The following SLC35F3 variants were observed in gnomAD, a reference collection of about 807,000 sequenced individuals.
SLC35F3 encodes the protein solute carrier family 35 member F3.
In SLC35F3, 25 loss-of-function variants were observed where a neutral mutation model predicts 49.9. The ratio of observed to expected loss-of-function variants is 0.50; its 90% CI spans 0.37 to 0.70. SLC35F3 has a LOEUF of 0.70. SLC35F3 is among the 30% of genes least tolerant of loss of function. The pLI is 0.00. For missense variants in SLC35F3, 525 were observed against 639.8 expected, an observed-to-expected ratio of 0.82 and a Z score of 1.94; for synonymous variants, 275 against 265.4, an observed-to-expected ratio of 1.04 and a Z score of -0.35.
In SLC35F3 at chr1:234,323,231, C is replaced by T. The variant is rs754124985; in HGVS notation, c.1461C>T (p.Ser487=). The change falls in exon 8 of 8, where the codon TCC becomes TCT. Residue 487 remains serine (S), a synonymous_variant. Coordinates refer to ENST00000366618, the MANE Select transcript of SLC35F3 (RefSeq NM_173508.4). This position sits in a 1 kb window ranked among gnomAD's most constrained non-coding sequence, Gnocchi z 4.5. ...GCAAGAACAGAAGAGCCCGCCCTTC[C>T]TTCGCCCGCTAACACCACTCCTCTA... is the stretch of plus-strand genomic sequence containing the variant. ...PQSKNRRARP[S]FAR 36 of 1,613,714 alleles carry T rather than the reference C, an allele frequency of 2.2e-5. No individual in the cohort carries two copies. In the Middle Eastern group the frequency reaches 1.2e-3, roughly 52 times the overall value.
At chr1:234,319,966 A>G in intron 6 of SLC35F3, 132 bp from the exon 7 acceptor site, 1 of 652,250 alleles carries the variant, frequency 1.5e-6, no homozygotes, top group Non-Finnish European at 2.8e-6. Flanking sequence ...AGTTCACTGA[A>G]TCAGAGCAGA....
At chr1:234,184,147 A>G (rs1024870132) in intron 2 of SLC35F3, among the ~76,000 whole-genome samples, 2 of 151,976 alleles carry the variant, frequency 1.3e-5, no homozygotes, top group Non-Finnish European at 2.9e-5. Context: ...TTAAAAAAAA[A>G]AAACAAAAAA....
At chr1:234,266,266 G>C (rs1266050922) in intron 3 of SLC35F3, among the ~76,000 whole-genome samples, 1 of 152,030 alleles carries the variant, frequency 6.6e-6, no homozygotes, top group Non-Finnish European at 1.5e-5. Flanking sequence ...AGTAGAAAAT[G>C]GGCAAAAGAT....
intron 2 of SLC35F3, among the ~76,000 whole-genome samples, chr1:233,914,433 C>T (rs921916220): frequency 6.6e-6 from 1 of 152,176 alleles, no homozygotes; most frequent in Non-Finnish European, 1.5e-5. Flanking sequence ...AGCTCCTCCT[C>T]CAAGCCCCTG....
chr1:234,013,546 A>G (rs1272256502), intron 2 of SLC35F3, among the ~76,000 whole-genome samples: 2 of 151,988 alleles, frequency 1.3e-5, no homozygotes, highest in Non-Finnish European at 2.9e-5. Flanking sequence ...AAACAATGAA[A>G]CTACAGAGCT....
chr1:234,150,927 GA>G (rs1221646811), intron 2 of SLC35F3, among the ~76,000 whole-genome samples: 1 of 152,200 alleles, frequency 6.6e-6, no homozygotes, highest in Non-Finnish European at 1.5e-5. Flanking sequence ...TTGCCATCAG[GA>G]ATTCCCAGGA....
At chr1:234,158,754 A>G (rs934065338) in intron 2 of SLC35F3, among the ~76,000 whole-genome samples, 4 of 152,230 alleles carry the variant, frequency 2.6e-5, no homozygotes, top group African/African-American at 7.2e-5. Context: ...GTATTTTGCC[A>G]AATAATTCAT....
chr1:233,928,335 A>G (rs1480974312), intron 2 of SLC35F3, among the ~76,000 whole-genome samples: 1 of 152,212 alleles, frequency 6.6e-6, no homozygotes, highest in Non-Finnish European at 1.5e-5. Flanking sequence ...TGAGTGAGTG[A>G]GTCACTGTCT....
chr1:234,102,134 T>C (rs930768843), intron 2 of SLC35F3, among the ~76,000 whole-genome samples: 1 of 152,154 alleles, frequency 6.6e-6, no homozygotes, highest in Non-Finnish European at 1.5e-5. Flanking sequence ...GAATTTACTT[T>C]CCCCCTTTCC....
intron 2 of SLC35F3, among the ~76,000 whole-genome samples, chr1:234,050,143 G>A (rs919736340): frequency 1.3e-5 from 2 of 152,162 alleles, no homozygotes; most frequent in African/African-American, 4.8e-5. Flanking sequence ...AATCCTTTGG[G>A]TATATACCCA....
At chr1:234,164,091 CCTCT>C (rs1012972251) in intron 2 of SLC35F3, among the ~76,000 whole-genome samples, 2 of 150,984 alleles carry the variant, frequency 1.3e-5, no homozygotes, top group African/African-American at 2.4e-5. Context: ...TGTCTCTCTC[CCTCT>C]CTCTCTTTCT....
At chr1:234,000,939 G>C (rs1279585457) in intron 2 of SLC35F3, among the ~76,000 whole-genome samples, 1 of 152,148 alleles carries the variant, frequency 6.6e-6, no homozygotes, top group Non-Finnish European at 1.5e-5. Flanking sequence ...TTCTCCTCAA[G>C]GGCTAATACT....
intron 3 of SLC35F3, among the ~76,000 whole-genome samples, chr1:234,264,750 T>C (rs1012456916): frequency 2.6e-5 from 4 of 152,074 alleles, no homozygotes; most frequent in Non-Finnish European, 4.4e-5. Context: ...ATGGGGTCTT[T>C]CTGTGTTGCA....
In SLC35F3 at chr1:234,316,640, G is replaced by C. The variant is rs1269442854; in HGVS notation, c.867G>C (p.Met289Ile). The C allele has an allele frequency of 2.5e-6, 4 of 1,612,510 alleles. No individual in the cohort carries two copies. Among genetic ancestry groups the C allele is most frequent in the South Asian group, 1.1e-5 (1 of 91,032 alleles). The change falls in exon 5 of 8, where the codon ATG (methionine) becomes ATC (isoleucine). Residue 289 changes from methionine (M) to isoleucine (I), a missense_variant. Physicochemically the swap from Met to Ile is conservative, Grantham distance 10 (BLOSUM62 1). Coordinates refer to ENST00000366618, the MANE Select transcript of SLC35F3 (RefSeq NM_173508.4). ...AAILAIAGIV[M>I]MTYADGFHSH... ...TCCTCGCCATCGCTGGCATTGTGATGATGACCTACGCTGATGGCTTCCACA... is the reference window on the plus strand; with the variant it reads ...TCCTCGCCATCGCTGGCATTGTGATCATGACCTACGCTGATGGCTTCCACA...
intron 3 of SLC35F3, among the ~76,000 whole-genome samples, chr1:234,240,045 T>A (rs1667529670): frequency 6.6e-6 from 1 of 152,244 alleles, no homozygotes; most frequent in Admixed American, 6.5e-5. Flanking sequence ...CCTAACCATC[T>A]TTGATTGACT....
chr1:234,156,112 A>ACC (rs1464037065), intron 2 of SLC35F3, among the ~76,000 whole-genome samples: 1 of 152,200 alleles, frequency 6.6e-6, no homozygotes, highest in African/African-American at 2.4e-5. Flanking sequence ...ACAAAGAACC[A>ACC]CCAATGAACA....
At chr1:234,202,502 T>C (rs1666913562) in intron 2 of SLC35F3, among the ~76,000 whole-genome samples, 1 of 152,262 alleles carries the variant, frequency 6.6e-6, no homozygotes, top group African/African-American at 2.4e-5. Flanking sequence ...GTAAACACCA[T>C]ATCTAAATAA....
At chr1:234,306,854 G>T (rs981115903) in intron 3 of SLC35F3, among the ~76,000 whole-genome samples, 2 of 152,200 alleles carry the variant, frequency 1.3e-5, no homozygotes, top group South Asian at 4.1e-4. Flanking sequence ...GCCTTGGATG[G>T]CCCCTTCCAG....
intron 2 of SLC35F3, among the ~76,000 whole-genome samples, chr1:234,226,988 TGCTCAATGGAA>T (rs887404304): frequency 1.8e-5 from 2 of 111,276 alleles, no homozygotes; most frequent in Non-Finnish European, 3.5e-5. Context: ...CACACACACG[TGCTCAATGGAA>T]GCAACTCAGG....
Sources: gnomAD v4.1 joint callset for allele counts (sites outside exome capture counted in the v4.1 genomes callset) on GRCh38, gnomAD v4.1.1 for gene constraint, Gnocchi (gnomAD v3.1) non-coding constraint, MANE v1.5 for transcripts, NCBI Gene and HGNC (gene_info 2026-07-23, HGNC 2026-07-21) for gene names.